Variants in DEPDC5 observed in about 807,000 individuals in gnomAD.
DEPDC5 encodes the protein DEP domain containing 5, GATOR1 subcomplex subunit, also known as GATOR1 complex protein DEPDC5.
In DEPDC5, 73 loss-of-function variants were observed where a neutral mutation model predicts 217.3. The ratio of observed to expected loss-of-function variants is 0.34; its 90% CI spans 0.28 to 0.41. DEPDC5 has a LOEUF of 0.41. Ranked by LOEUF, DEPDC5 falls within the 10% of genes least tolerant of loss-of-function variation. DEPDC5 has a pLI of 1.00. For synonymous variants in DEPDC5, 733 were observed against 756.7 expected (o/e 0.97, Z 0.51); for missense variants, 1,675 against 2,070.1 (o/e 0.81, Z 3.70).
intron 33 of DEPDC5, among the ~76,000 whole-genome samples, chr22:31,866,352 C>G (rs2092688842): frequency 6.6e-6 from 1 of 152,086 alleles, no homozygotes; most frequent in African/African-American, 2.4e-5. Context: ...GCTTCCCAGT[C>G]TCTTCTAATC....
At chr22:31,889,000 C>G (rs2093378176) in intron 38 of DEPDC5, among the ~76,000 whole-genome samples, 1 of 152,194 alleles carries the variant, frequency 6.6e-6, no homozygotes, top group African/African-American at 2.4e-5. Context: ...GGCACTCACT[C>G]CCAAGACTGC....
At chr22:31,886,895 C>T (rs999881700) in intron 38 of DEPDC5, among the ~76,000 whole-genome samples, 2 of 148,856 alleles carry the variant, frequency 1.3e-5, no homozygotes, top group African/African-American at 2.5e-5. Flanking sequence ...ATGGTGAAAC[C>T]CTATCTCTAC....
intron 4 of DEPDC5, 46 bp from the exon 5 acceptor site, chr22:31,764,929 C>A: frequency 6.7e-7 from 1 of 1,482,148 alleles, no homozygotes; most frequent in Non-Finnish European, 9.4e-7. Context: ...TATGGATCTG[C>A]TTTTTCAAAA....
intron 32 of DEPDC5, chr22:31,858,213 CTCT>C (rs1951461579): frequency 6.6e-6 from 1 of 152,208 alleles, no homozygotes; most frequent in African/African-American, 2.4e-5. Flanking sequence ...CCAGAGCTCG[CTCT>C]TCTTTGATAA....
intron 20 of DEPDC5, among the ~76,000 whole-genome samples, chr22:31,812,746 T>C (rs935737229): frequency 2.0e-5 from 3 of 146,442 alleles, no homozygotes; most frequent in East Asian, 2.0e-4. Flanking sequence ...TTCTTTCTTT[T>C]TTTTTTTTTT....
chr22:31,887,549 C>T (rs1008141066), intron 38 of DEPDC5, among the ~76,000 whole-genome samples: 1 of 151,812 alleles, frequency 6.6e-6, no homozygotes, highest in Non-Finnish European at 1.5e-5. Context: ...CTGTGTGGGC[C>T]TTAGGGGGTC....
In DEPDC5 at chr22:31,893,875, T is replaced by C. The variant is rs2093492464; in HGVS notation, c.4203+124T>C. ...GGCTCTTATTACCATTCATCGGGACTATTGGAGTAACCTTTTTAAAAAATT... is the reference window on the plus strand; with the variant it reads ...GGCTCTTATTACCATTCATCGGGACCATTGGAGTAACCTTTTTAAAAAATT... On this transcript the variant is annotated intron_variant, in intron 39 of 42. Coordinates refer to ENST00000651528, the MANE Select transcript of DEPDC5 (RefSeq NM_001242896.3). 4 of 1,105,204 alleles carry C rather than the reference T, an allele frequency of 3.6e-6. No homozygotes were observed. The South Asian group carries it at 6.7e-5, about 18-fold the overall frequency. 68.5% of individuals were successfully genotyped at this position (1,105,204 alleles called of 1,614,324 possible).
intron 5 of DEPDC5, among the ~76,000 whole-genome samples, chr22:31,766,369 T>C (rs1460028268): frequency 6.6e-6 from 1 of 152,224 alleles, no homozygotes; most frequent in African/African-American, 2.4e-5. Flanking sequence ...CTCAATGTGC[T>C]ACAGCAGCTA....
chr22:31,771,715 TCA>T (rs55851105), intron 7 of DEPDC5, among the ~76,000 whole-genome samples: 3,963 of 77,424 alleles, frequency 0.051, 65 homozygotes, highest in Admixed American at 0.064. Flanking sequence ...CAAGACTCCG[TCA>T]CACACACACA....
At chr22:31,849,403 G>A (rs1165457307) in intron 31 of DEPDC5, among the ~76,000 whole-genome samples, 1 of 152,110 alleles carries the variant, frequency 6.6e-6, no homozygotes, top group Non-Finnish European at 1.5e-5. Context: ...AAATCATGGT[G>A]GAAGGGGAAG....
At chr22:31,815,556 A>AT (rs1187139479) in intron 21 of DEPDC5, 308 of 568,642 alleles carry the variant, frequency 5.4e-4, no homozygotes, top group South Asian at 9.9e-4. Flanking sequence ...TGATTATCAT[A>AT]TTTTTTTTTG....
At chr22:31,863,922 G>GA (rs11394299) in intron 33 of DEPDC5, among the ~76,000 whole-genome samples, 21,905 of 148,924 alleles carry the variant, frequency 0.15, 1,803 homozygotes, top group African/African-American at 0.22. Flanking sequence ...GACTCCATCT[G>GA]AAAAAAAACA....
At chr22:31,768,612 T>C (rs951776586) in intron 6 of DEPDC5, among the ~76,000 whole-genome samples, 3 of 152,248 alleles carry the variant, frequency 2.0e-5, no homozygotes, top group Non-Finnish European at 4.4e-5. Flanking sequence ...GCACCTACTG[T>C]CATACCTACC....
In DEPDC5 at chr22:31,763,127, A is replaced by G. The variant is rs62238890; in HGVS notation, c.194-1848A>G. On this transcript the variant is annotated intron_variant, in intron 4 of 42. Coordinates refer to ENST00000651528, the MANE Select transcript of DEPDC5 (RefSeq NM_001242896.3). ...TGCCTCAGCCTCCTCAGTAGCTGGG[A>G]TTACAGGTGCACGCCACCACACCTG... 4.3e-3 allele frequency among the ~76,000 whole-genome samples: 653 copies of G among 152,114 alleles called. 1 individual carries two copies. Among genetic ancestry groups the G allele is most frequent in the Non-Finnish European group, 7.5e-3 (510 of 68,004 alleles).
chr22:31,873,068 T>C (rs2092894445), intron 34 of DEPDC5, 187 bp from the exon 35 acceptor site: 1 of 1,219,368 alleles, frequency 8.2e-7, no homozygotes, highest in East Asian at 3.0e-5. Flanking sequence ...AATGTGTATA[T>C]TTTAAAATAG....
At chr22:31,773,841 G>C (rs1240664091) in intron 7 of DEPDC5, among the ~76,000 whole-genome samples, 1 of 152,198 alleles carries the variant, frequency 6.6e-6, no homozygotes. Flanking sequence ...GGAGGCCAAG[G>C]TGGGTGGATT....
intron 25 of DEPDC5, among the ~76,000 whole-genome samples, chr22:31,834,427 A>G (rs1190181701): frequency 5.3e-5 from 8 of 152,182 alleles, no homozygotes. Context: ...AAATATCTGT[A>G]ATAATAAAAT....
In DEPDC5 at chr22:31,842,983, G is replaced by T. The variant is rs1284763777; in HGVS notation, c.2516-112G>T. 4 of 730,506 alleles carry T rather than the reference G, an allele frequency of 5.5e-6. No homozygotes were observed. In the East Asian group the frequency reaches 8.6e-5, roughly 16 times the overall value. The allele number at this position is 730,506 out of a possible 1,614,324, so 45.3% of individuals were successfully genotyped here. ...AAGAATAACTTTCTTCCATGAAACT[G>T]CCCCTAAGAGAAAGTGTTACATTGT... On this transcript the variant is annotated intron_variant, in intron 27 of 42. Transcript: ENST00000651528.
chr22:31,763,526 C>T (rs1569510007), intron 4 of DEPDC5, among the ~76,000 whole-genome samples: 1 of 151,862 alleles, frequency 6.6e-6, no homozygotes, highest in Non-Finnish European at 1.5e-5. Context: ...CAGCCTCAAC[C>T]TCCCTGGGTG....
Sources: gnomAD v4.1 joint callset for allele counts (sites outside exome capture counted in the v4.1 genomes callset) on GRCh38, gnomAD v4.1.1 for gene constraint, MANE v1.5 for transcripts, NCBI Gene and HGNC (gene_info 2026-07-23, HGNC 2026-07-21) for gene names.